Variants in NRCAM observed in about 807,000 individuals in gnomAD.
NRCAM encodes the protein neuronal cell adhesion molecule, also known as NgCAM-related cell adhesion molecule.
Under a neutral mutation model 156.5 loss-of-function variants are expected in NRCAM, and 83 were observed. The observed-to-expected ratio is 0.53, with a 90% CI of 0.44 to 0.64. NRCAM has a LOEUF of 0.64. Among genes scored for constraint, NRCAM ranks in the 30% least tolerant of loss-of-function variants. The pLI is 0.00. For missense variants in NRCAM, 1,417 were observed against 1,597.3 expected, an observed-to-expected ratio of 0.89 and a Z score of 1.92; for synonymous variants, 538 against 563.9, an observed-to-expected ratio of 0.95 and a Z score of 0.65.
At chr7:108,425,000 G>C (rs947967416) in intron 1 of NRCAM, among the ~76,000 whole-genome samples, 1 of 152,144 alleles carries the variant, frequency 6.6e-6, no homozygotes, top group African/African-American at 2.4e-5. Flanking sequence ...CTAGTGCATA[G>C]ATAAGAAGTT....
chr7:108,318,049 T>C (rs2098951696), intron 2 of NRCAM, among the ~76,000 whole-genome samples: 1 of 126,128 alleles, frequency 7.9e-6, no homozygotes. Context: ...CTTTTTTTTT[T>C]TTTTTTTTTT....
At chr7:108,363,197 G>A (rs1169786392) in intron 2 of NRCAM, among the ~76,000 whole-genome samples, 1 of 152,134 alleles carries the variant, frequency 6.6e-6, no homozygotes, top group Non-Finnish European at 1.5e-5. Context: ...ATAATGAAGA[G>A]AGACATATGT....
intron 1 of NRCAM, among the ~76,000 whole-genome samples, chr7:108,442,739 G>A (rs973163037): frequency 2.6e-5 from 4 of 152,056 alleles, no homozygotes; most frequent in Admixed American, 6.5e-5. Context: ...TTAGAACACC[G>A]TCTTTCAAGG....
chr7:108,455,739 A>G (rs2154512388), intron 1 of NRCAM, among the ~76,000 whole-genome samples: 1 of 152,260 alleles, frequency 6.6e-6, no homozygotes, highest in South Asian at 2.1e-4. Flanking sequence ...GGGCCCGAAC[A>G]GGCACACGCC....
intron 29 of NRCAM, 95 bp downstream of exon 29, chr7:108,168,182 T>TC (rs1301176262): frequency 8.0e-7 from 1 of 1,256,132 alleles, no homozygotes; most frequent in Non-Finnish European, 1.0e-6. Flanking sequence ...AAGTTATTTT[T>TC]CAAGATGATC....
intron 18 of NRCAM, 129 bp from the exon 19 acceptor site, chr7:108,191,412 C>A: frequency 1.4e-6 from 1 of 701,340 alleles, no homozygotes; most frequent in Non-Finnish European, 2.3e-6. Context: ...AGCTGTGAGA[C>A]ACAGCATTGA....
chr7:108,284,311 C>T (rs568028285), intron 3 of NRCAM, among the ~76,000 whole-genome samples: 1 of 152,256 alleles, frequency 6.6e-6, no homozygotes, highest in South Asian at 2.1e-4. Flanking sequence ...AAGAAGTCAC[C>T]CAGTTCAGGT....
intron 28 of NRCAM, among the ~76,000 whole-genome samples, chr7:108,173,087 A>C (rs1043314069): frequency 1.2e-4 from 18 of 150,960 alleles, no homozygotes; most frequent in African/African-American, 4.4e-4. Flanking sequence ...CTGAGTTCAA[A>C]CAGTTTTCCT....
chr7:108,184,344 T>C (rs763233169), intron 21 of NRCAM, 33 bp from the exon 22 acceptor site: 1 of 1,613,748 alleles, frequency 6.2e-7, no homozygotes, highest in Non-Finnish European at 8.5e-7. Context: ...TGTGTAAGCT[T>C]TGGCCTTTTG....
chr7:108,343,757 T>G (rs1041035439), intron 2 of NRCAM, among the ~76,000 whole-genome samples: 1 of 152,232 alleles, frequency 6.6e-6, no homozygotes, highest in African/African-American at 2.4e-5. Context: ...AAATCATTAT[T>G]TACTAGACCA....
intron 1 of NRCAM, among the ~76,000 whole-genome samples, chr7:108,443,443 A>T (rs948977796): frequency 1.3e-5 from 2 of 152,192 alleles, no homozygotes; most frequent in Non-Finnish European, 2.9e-5. Context: ...GTGCTGCCTG[A>T]TTATAGCTAG....
At chr7:108,152,554 A>ATCT (rs1181856912) in intron 32 of NRCAM, among the ~76,000 whole-genome samples, 10 of 152,074 alleles carry the variant, frequency 6.6e-5, no homozygotes, top group African/African-American at 2.4e-4. Flanking sequence ...TTCAAAGAAT[A>ATCT]AGTGACATGC....
chr7:108,360,444 T>C (rs1439066847), intron 2 of NRCAM, among the ~76,000 whole-genome samples: 2 of 152,012 alleles, frequency 1.3e-5, no homozygotes, highest in Non-Finnish European at 2.9e-5. Context: ...GTGGGGGATA[T>C]AAGAGAAAAA....
chr7:108,385,981 G>C (rs2099739808), intron 2 of NRCAM, among the ~76,000 whole-genome samples: 1 of 152,138 alleles, frequency 6.6e-6, no homozygotes, highest in Non-Finnish European at 1.5e-5. Context: ...AAGCAGAGCT[G>C]TTTTAGGTCA....
In NRCAM at chr7:108,250,992, G is replaced by A. The variant is rs552466493; in HGVS notation, c.-106-10822C>T. Among the ~76,000 whole-genome samples the A allele has an allele frequency of 6.8e-4, 104 of 152,104 alleles. 1 individual carries two copies. The highest frequency in any genetic ancestry group is 1.1e-3 in the Non-Finnish European group (78 of 67,988). ...AATGTCCTCAGGTAGAAGTATTTTC[G>A]GCCAAAGTATCTAGCCTCCTAGAAG... is the stretch of plus-strand genomic sequence containing the variant. On this transcript the variant is annotated intron_variant, in intron 3 of 32. Coordinates refer to ENST00000379028, the MANE Select transcript of NRCAM (RefSeq NM_001037132.4).
chr7:108,177,457 A>G (rs1470050161), intron 26 of NRCAM, among the ~76,000 whole-genome samples: 4 of 152,048 alleles, frequency 2.6e-5, no homozygotes, highest in African/African-American at 9.7e-5. Context: ...CCCCGTCTCT[A>G]CTAAAAATAC....
intron 3 of NRCAM, among the ~76,000 whole-genome samples, chr7:108,311,789 G>A (rs183348679): frequency 5.9e-5 from 9 of 152,234 alleles, no homozygotes; most frequent in Non-Finnish European, 1.0e-4. Flanking sequence ...TCAGTAACAA[G>A]AGACAACATG....
intron 13 of NRCAM, among the ~76,000 whole-genome samples, chr7:108,204,582 G>C (rs1206859902): frequency 1.2e-4 from 18 of 152,250 alleles, no homozygotes. Context: ...CCTGCTACCA[G>C]CACCACGGAG....
Position 108,436,232 on chromosome 7 carries a change from AT to A in NRCAM, c.-332+20010del, listed in dbSNP as rs140369128. Among the ~76,000 whole-genome samples the A allele has an allele frequency of 1.3e-3, 184 of 141,636 alleles. 1 individual carries two copies. Among genetic ancestry groups the A allele is most frequent in the Non-Finnish European group, 2.4e-3 (147 of 62,116 alleles). 92.9% of individuals were successfully genotyped at this position (141,636 alleles called of 152,430 possible). A position where few individuals can be genotyped will look rare whatever the true frequency, so the allele number is the denominator to read the frequency against. ...ATTGCAAAATGGATGGGCTACAGAG[AT>A]TAAAAGATTCTTCAGAAGCAGACCA... On this transcript the variant is annotated intron_variant, in intron 1 of 32. Coordinates refer to ENST00000379028, the MANE Select transcript of NRCAM (RefSeq NM_001037132.4).
Sources: gnomAD v4.1 joint callset for allele counts (sites outside exome capture counted in the v4.1 genomes callset) on GRCh38, gnomAD v4.1.1 for gene constraint, MANE v1.5 for transcripts, NCBI Gene and HGNC (gene_info 2026-07-23, HGNC 2026-07-21) for gene names.